Variants in PPP2R2B observed in about 807,000 individuals in gnomAD.
PPP2R2B encodes serine/threonine-protein phosphatase 2A 55 kDa regulatory subunit B beta isoform.
PPP2R2B carries 5 observed loss-of-function variants against 46.0 expected under a neutral mutation model. That is an observed-to-expected ratio of 0.11 (90% CI 0.06 to 0.23). PPP2R2B has a LOEUF of 0.23. Among genes scored for constraint, PPP2R2B ranks in the 10% least tolerant of loss-of-function variants. The pLI, the probability that PPP2R2B is intolerant of heterozygous loss-of-function variation, is 1.00. For missense variants in PPP2R2B, 367 were observed against 575.0 expected (o/e 0.64, Z 3.70); for synonymous variants, 215 against 206.7 (o/e 1.04, Z -0.34).
At chr5:147,006,520 G>A (rs1446060055) in intron 1 of PPP2R2B, among the ~76,000 whole-genome samples, 1 of 152,104 alleles carries the variant, frequency 6.6e-6, no homozygotes. Flanking sequence ...GGCATACAAC[G>A]AATACACCTA....
intron 7 of PPP2R2B, among the ~76,000 whole-genome samples, chr5:146,634,850 A>G (rs1297484533): frequency 2.6e-5 from 4 of 152,144 alleles, no homozygotes; most frequent in Non-Finnish European, 5.9e-5. Flanking sequence ...GGAGGAAACC[A>G]GGTCTGTTTT....
intron 1 of PPP2R2B, among the ~76,000 whole-genome samples, chr5:146,970,020 C>T (rs1752595775): frequency 6.6e-6 from 1 of 152,106 alleles, no homozygotes; most frequent in Non-Finnish European, 1.5e-5. Flanking sequence ...ATGTAATCAT[C>T]CAGGATGCAT....
At chr5:147,076,667 C>A (rs1757775098) in intron 2 of PPP2R2B, among the ~76,000 whole-genome samples, 1 of 152,160 alleles carries the variant, frequency 6.6e-6, no homozygotes, top group South Asian at 2.1e-4. Context: ...GATATTCCTA[C>A]CTCTTTGGTA....
intron 5 of PPP2R2B, among the ~76,000 whole-genome samples, chr5:146,681,094 C>T (rs1013253433): frequency 9.9e-5 from 15 of 152,098 alleles, no homozygotes; most frequent in African/African-American, 2.7e-4. Context: ...CGGCTTGCAA[C>T]GTACTAGGAT....
intron 2 of PPP2R2B, among the ~76,000 whole-genome samples, chr5:146,717,098 T>C (rs1158068486): frequency 6.6e-6 from 1 of 152,204 alleles, no homozygotes; most frequent in East Asian, 1.9e-4. Context: ...TAGCTTAAAG[T>C]CACACATGTT....
intron 5 of PPP2R2B, among the ~76,000 whole-genome samples, chr5:146,671,916 A>C (rs918687561): frequency 7.9e-5 from 12 of 152,172 alleles, no homozygotes; most frequent in Non-Finnish European, 1.6e-4. Flanking sequence ...GGACAGGTAC[A>C]GATGGGGATG....
intron 1 of PPP2R2B, among the ~76,000 whole-genome samples, chr5:146,945,668 TC>T (rs2151831938): frequency 6.6e-6 from 1 of 152,328 alleles, no homozygotes; most frequent in South Asian, 2.1e-4. Context: ...CAATTTGTTT[TC>T]CTAAAGTTTA....
chr5:146,871,975 CAGTACTCGCG>C (rs1375086503), intron 2 of PPP2R2B, among the ~76,000 whole-genome samples: 2 of 152,196 alleles, frequency 1.3e-5, no homozygotes, highest in African/African-American at 4.8e-5. Context: ...CTGGAATAGA[CAGTACTCGCG>C]ATACCTTAGT....
chr5:147,079,467 T>TATATAC (rs1554091377), intron 2 of PPP2R2B, among the ~76,000 whole-genome samples: 1 of 144,170 alleles, frequency 6.9e-6, no homozygotes, highest in Non-Finnish European at 1.5e-5. Context: ...TATATATATA[T>TATATAC]ATACATGTGC....
At chr5:146,878,914 G>A, upstream of PPP2R2B, 5 of 1,146,062 alleles carry the variant, frequency 4.4e-6, no homozygotes, top group Non-Finnish European at 5.5e-6. The surrounding 1 kb of genome is among the most constrained non-coding windows in gnomAD (Gnocchi z 4.5). Context: ...TCGGCACCTG[G>A]GCAGCAAGCG....
At chr5:146,801,035 G>A (rs1020084665) in intron 2 of PPP2R2B, among the ~76,000 whole-genome samples, 19 of 152,178 alleles carry the variant, frequency 1.2e-4, no homozygotes, top group African/African-American at 4.1e-4. Context: ...CAACAACATG[G>A]ATGAACCTGG....
chr5:146,675,195 C>G (rs1015029453), intron 5 of PPP2R2B, among the ~76,000 whole-genome samples: 1 of 152,044 alleles, frequency 6.6e-6, no homozygotes, highest in Non-Finnish European at 1.5e-5. Flanking sequence ...CTCCTGACCT[C>G]GTGATCCACC....
intron 1 of PPP2R2B, among the ~76,000 whole-genome samples, chr5:147,008,572 A>G (rs1364418658): frequency 6.6e-6 from 1 of 152,162 alleles, no homozygotes; most frequent in African/African-American, 2.4e-5. Flanking sequence ...ATGTTTATCT[A>G]TATAAAATGG....
rs544228808 is a variant in PPP2R2B, at chr5:146,680,520, A to T, written c.447+10608T>A. ...TGTGACTAACCTGCACAATGTGCAC[A>T]TGTACCCTAAAACTTAAAGTATAAT... is the stretch of plus-strand genomic sequence containing the variant. On this transcript the variant is annotated intron_variant, in intron 5 of 9. Transcript: ENST00000394411. Among the ~76,000 whole-genome samples the T allele has an allele frequency of 3.3e-3, 505 of 152,036 alleles. 8 individuals carry two copies. In the Middle Eastern group the frequency reaches 0.071, roughly 22 times the overall value.
intron 1 of PPP2R2B, among the ~76,000 whole-genome samples, chr5:146,891,752 G>C (rs1349196322): frequency 6.6e-6 from 1 of 152,202 alleles, no homozygotes; most frequent in Non-Finnish European, 1.5e-5. Flanking sequence ...GAGGCATCTA[G>C]TGGAATGAGA....
chr5:146,818,012 G>T (rs992581179), intron 2 of PPP2R2B, among the ~76,000 whole-genome samples: 3 of 152,154 alleles, frequency 2.0e-5, no homozygotes, highest in African/African-American at 7.2e-5. Flanking sequence ...GCCTGGCAGG[G>T]CTGCCCTATG....
At chr5:146,634,034 G>A (rs1774620211) in intron 7 of PPP2R2B, among the ~76,000 whole-genome samples, 1 of 152,204 alleles carries the variant, frequency 6.6e-6, no homozygotes, top group Non-Finnish European at 1.5e-5. Flanking sequence ...GTATTAGCTT[G>A]ACTGAGCCAT....
At chr5:147,066,668 G>A (rs1039331891) in intron 2 of PPP2R2B, among the ~76,000 whole-genome samples, 13 of 152,124 alleles carry the variant, frequency 8.5e-5, no homozygotes, top group African/African-American at 2.7e-4. Flanking sequence ...GTCAGGCACC[G>A]TATTAGACAA....
At chr5:146,968,449 G>A (rs1403876038) in intron 1 of PPP2R2B, among the ~76,000 whole-genome samples, 1 of 152,122 alleles carries the variant, frequency 6.6e-6, no homozygotes, top group East Asian at 1.9e-4. Flanking sequence ...ATGGCCAACT[G>A]GCTTGCTATG....
Sources: gnomAD v4.1 joint callset for allele counts (sites outside exome capture counted in the v4.1 genomes callset) on GRCh38, gnomAD v4.1.1 for gene constraint, Gnocchi (gnomAD v3.1) non-coding constraint, MANE v1.5 for transcripts, NCBI Gene and HGNC (gene_info 2026-07-23, HGNC 2026-07-21) for gene names.